Variants in SORL1 observed in about 807,000 individuals in gnomAD.
The protein encoded by SORL1 is sortilin related receptor 1, also known as sortilin-related receptor.
A neutral mutation model predicts 273.7 loss-of-function variants in SORL1; 127 were observed. The observed-to-expected ratio is 0.46, with a 90% CI of 0.40 to 0.54. The LOEUF (loss-of-function observed/expected upper bound fraction) is 0.54, where lower values mean the gene tolerates loss of function less well. Ranked by LOEUF, SORL1 falls within the 20% of genes least tolerant of loss-of-function variation. The probability of loss-of-function intolerance (pLI) is 0.00; values close to 1 mark genes in which losing one functional copy is unlikely to be tolerated. For missense variants in SORL1, 2,494 were observed against 2,846.1 expected (o/e 0.88, Z 2.81); for synonymous variants, 1,031 against 1,067.4 (o/e 0.97, Z 0.66).
rs751627299 is a variant in SORL1 at position 121,553,930 on chromosome 11, CT to C, written c.2267-6del. 1.2e-6 allele frequency: 2 copies of C among 1,610,286 alleles called. No individual in the cohort carries two copies. The highest frequency in any genetic ancestry group is 1.7e-4 in the Middle Eastern group (1 of 6,042). ...CCAACCTCCCACGTGTCTTGTGTGT[CT>C]GGCAGAAGAGAACGAGTTCATTCTG... On this transcript the variant is annotated splice_region_variant and splice_polypyrimidine_tract_variant and intron_variant, in intron 16 of 47. Coordinates refer to ENST00000260197, the MANE Select transcript of SORL1 (RefSeq NM_003105.6).
In SORL1 at chr11:121,559,524, A is replaced by G. The variant is rs762115516; in HGVS notation, c.2916A>G (p.Glu972=). The G allele has an allele frequency of 6.8e-6, 11 of 1,611,722 alleles. No individual in the cohort carries two copies. In the South Asian group the frequency reaches 1.1e-4, roughly 16 times the overall value. ...HPYAIAVFKN[E]IYWDDWSQLS... ...GGCAAAGGTTTTCTTTTTAGAATGA[A>G]ATCTACTGGGATGACTGGTCACAGC... is the stretch of plus-strand genomic sequence containing the variant. Residue 972 remains glutamate (E), a synonymous_variant, in exon 21 of 48, where the codon GAA becomes GAG. Coordinates refer to ENST00000260197, the MANE Select transcript of SORL1 (RefSeq NM_003105.6).
Position 121,452,781 on chromosome 11 carries a change from T to A in SORL1, c.285+165T>A. The A allele has an allele frequency of 1.8e-6, 1 of 550,604 alleles. No homozygotes were observed. Among genetic ancestry groups the A allele is most frequent in the Non-Finnish European group, 3.0e-6 (1 of 335,950 alleles). The allele number at this position is 550,604 out of a possible 1,614,324, so 34.1% of individuals were successfully genotyped here. A position where few individuals can be genotyped will look rare whatever the true frequency, so the allele number is the denominator to read the frequency against. On this transcript the variant is annotated intron_variant, in intron 1 of 47. Transcript: ENST00000260197. The surrounding 1 kb of genome is among the most constrained non-coding windows in gnomAD (Gnocchi z 5.3). ...ACGAGTACAACCGTCAGCACTTGAA[T>A]CGCATTGATCTTTCCTTCTTCCTGT... is the stretch of plus-strand genomic sequence containing the variant.
intron 40 of SORL1, among the ~76,000 whole-genome samples, chr11:121,614,041 G>A (rs749519147): frequency 1.2e-4 from 19 of 152,188 alleles, no homozygotes; most frequent in Non-Finnish European, 2.8e-4. Flanking sequence ...CAACCACAAA[G>A]TATAGAGTCA....
At chr11:121,532,162 T>C (rs1862211584) in intron 11 of SORL1, among the ~76,000 whole-genome samples, 1 of 152,202 alleles carries the variant, frequency 6.6e-6, no homozygotes, top group South Asian at 2.1e-4. Flanking sequence ...GTGGGAGTCA[T>C]AGATTTGGAT....
In SORL1 at chr11:121,545,386, G is replaced by A. The variant is rs1054553898; in HGVS notation, c.2008G>A (p.Val670Met). The A allele has an allele frequency of 6.2e-7, 1 of 1,614,202 alleles. No individual in the cohort carries two copies. Among genetic ancestry groups the A allele is most frequent in the Non-Finnish European group, 8.5e-7 (1 of 1,180,018 alleles). ...CFNGEDFDRP[V>M]VVSNCSCTRE... is the part of the protein sequence containing the mutation. ...CAATGGAGAGGACTTTGACAGGCCG[G>A]TGGTCGTGTCCAACTGCTCCTGCAC... The change falls in exon 14 of 48, where the codon GTG (valine) becomes ATG (methionine). Residue 670 changes from valine to methionine, a missense_variant. This residue lies in a region of SORL1 where 710 missense variants were observed against 882.5 expected (regional missense o/e 0.80). Coordinates refer to ENST00000260197, the MANE Select transcript of SORL1 (RefSeq NM_003105.6).
chr11:121,573,150 G>A lies in SORL1; in HGVS notation c.3338-1091G>A, dbSNP rs150004478. Among the ~76,000 whole-genome samples the A allele has an allele frequency of 4.1e-3, 631 of 152,338 alleles. 2 individuals are homozygous for A. Among genetic ancestry groups the A allele is most frequent in the African/African-American group, 0.014 (600 of 41,574 alleles). On this transcript the variant is annotated intron_variant, in intron 23 of 47. Transcript: ENST00000260197. ...TTCTGTATCCATTCTAATGCCAGAA[G>A]GACATGAGGAATGATGAGGAAGAGA...
rs542148261 is a variant in SORL1 at position 121,455,263 on chromosome 11, C to A, written c.285+2647C>A. Among the ~76,000 whole-genome samples the A allele has an allele frequency of 9.2e-5, 14 of 152,274 alleles. No individual in the cohort carries two copies. The South Asian group carries it at 2.9e-3, about 32-fold the overall frequency. On this transcript the variant is annotated intron_variant, in intron 1 of 47. Coordinates refer to ENST00000260197, the MANE Select transcript of SORL1 (RefSeq NM_003105.6). ...CCACAACTCTACAATGGTGTGATAA[C>A]GGGCTGTGTGACATGCAGCGCATGG...
chr11:121,475,095 A>G (rs1861242877), intron 2 of SORL1, among the ~76,000 whole-genome samples: 1 of 152,056 alleles, frequency 6.6e-6, no homozygotes, highest in Non-Finnish European at 1.5e-5. Context: ...AAAAATACAA[A>G]AATTTAGCTG....
intron 12 of SORL1, among the ~76,000 whole-genome samples, chr11:121,540,621 A>G (rs969591800): frequency 6.6e-6 from 1 of 151,976 alleles, no homozygotes; most frequent in African/African-American, 2.4e-5. Context: ...GTCAGAATTC[A>G]GTCCAAAATG....
At chr11:121,481,507 G>T (rs1398624428) in intron 3 of SORL1, among the ~76,000 whole-genome samples, 1 of 98,050 alleles carries the variant, frequency 1.0e-5, no homozygotes, top group Non-Finnish European at 2.0e-5. Context: ...CTATAGGCAG[G>T]CTTCATCTCC....
At chr11:121,459,352 C>T (rs141607989) in intron 1 of SORL1, among the ~76,000 whole-genome samples, 45 of 152,342 alleles carry the variant, frequency 3.0e-4, no homozygotes, top group African/African-American at 1.0e-3. Flanking sequence ...AAGACCTGCT[C>T]GTGTAGGCAG....
chr11:121,547,615 GC>G (rs1862452620), intron 14 of SORL1, among the ~76,000 whole-genome samples: 1 of 151,686 alleles, frequency 6.6e-6, no homozygotes, highest in African/African-American at 2.4e-5. Context: ...CACCTGCTCT[GC>G]CCCTTGTGGA....
In SORL1 at chr11:121,567,046, A is replaced by T. The variant is rs761880636; in HGVS notation, c.3156A>T (p.Pro1052=). ...AGGATGTGTCCAGCAGTGTGCTTCC[A>T]TCAGGGGACCTGATGTGTGACTGCC... is the stretch of plus-strand genomic sequence containing the variant. The part of the protein sequence containing the change: ...CPEDVSSSVL[P]SGDLMCDCPQ... The change falls in exon 22 of 48, where the codon CCA becomes CCT. Residue 1052 remains proline, a synonymous_variant. Transcript: ENST00000260197. 3.1e-6 allele frequency: 5 copies of T among 1,614,210 alleles called. No individual in the cohort carries two copies. In the Admixed American group the frequency reaches 6.7e-5, roughly 22 times the overall value.
At chr11:121,581,453 T>A (rs1257108015) in intron 25 of SORL1, among the ~76,000 whole-genome samples, 2 of 152,190 alleles carry the variant, frequency 1.3e-5, no homozygotes, top group Non-Finnish European at 2.9e-5. Context: ...TCACCATTCT[T>A]ATAGTTACAA....
intron 30 of SORL1, 144 bp from the exon 31 acceptor site, chr11:121,590,857 C>A (rs781699882): frequency 1.2e-6 from 1 of 857,282 alleles, no homozygotes; most frequent in Non-Finnish European, 2.0e-6. Context: ...CTAGATTAGC[C>A]GCTGCTCAGA....
At chr11:121,474,710 C>T (rs1306729009) in intron 2 of SORL1, among the ~76,000 whole-genome samples, 1 of 152,178 alleles carries the variant, frequency 6.6e-6, no homozygotes, top group African/African-American at 2.4e-5. Flanking sequence ...ATGAGTGAGT[C>T]CGGGGTGTTC....
intron 1 of SORL1, among the ~76,000 whole-genome samples, chr11:121,463,573 G>A (rs1319290911): frequency 6.6e-6 from 1 of 152,234 alleles, no homozygotes; most frequent in Non-Finnish European, 1.5e-5. Context: ...GAATGGTCAT[G>A]GCTCCAGTGA....
chr11:121,611,522 G>A (rs187206428), intron 39 of SORL1: 404 of 161,930 alleles, frequency 2.5e-3, no homozygotes, highest in Non-Finnish European at 4.1e-3. Flanking sequence ...CGCTCACAGT[G>A]GAAGAACAAC....
intron 12 of SORL1, 134 bp downstream of exon 12, chr11:121,532,686 A>C: frequency 5.7e-6 from 4 of 703,266 alleles, no homozygotes; most frequent in Non-Finnish European, 9.3e-6. Context: ...TATGAGTTAA[A>C]CTTTTTTTTT....
Sources: allele counts gnomAD v4.1 joint callset (sites outside exome capture counted in the v4.1 genomes callset), GRCh38; gene constraint gnomAD v4.1.1; regional missense constraint gnomAD v4.1.1; non-coding constraint Gnocchi (gnomAD v3.1); transcripts MANE v1.5; gene names NCBI Gene and HGNC (gene_info 2026-07-23, HGNC 2026-07-21).